Variants in SORCS1 observed in about 807,000 individuals in gnomAD.
SORCS1 encodes the protein sortilin related VPS10 domain containing receptor 1.
Under a neutral mutation model 146.1 loss-of-function variants are expected in SORCS1, and 60 were observed. The ratio of observed to expected loss-of-function variants is 0.41; its 90% confidence interval spans 0.33 to 0.51. The LOEUF (loss-of-function observed/expected upper bound fraction) is 0.51. Ranked by LOEUF, SORCS1 falls within the 20% of genes least tolerant of loss-of-function variation. The pLI is 0.21. For synonymous variants in SORCS1, 637 were observed against 584.0 expected (o/e 1.09, Z -1.31); for missense variants, 1,352 against 1,487.6 (o/e 0.91, Z 1.50).
At chr10:107,114,876 G>A (rs1368894974) in intron 1 of SORCS1, among the ~76,000 whole-genome samples, 2 of 151,988 alleles carry the variant, frequency 1.3e-5, no homozygotes, top group Non-Finnish European at 2.9e-5. Context: ...CCAAAAACCT[G>A]TCAGAACTAA....
chr10:106,893,802 C>T (rs1335176697), intron 2 of SORCS1, among the ~76,000 whole-genome samples: 1 of 152,150 alleles, frequency 6.6e-6, no homozygotes, highest in Non-Finnish European at 1.5e-5. Flanking sequence ...ACTTCATAGC[C>T]TTCAAAAATG....
intron 1 of SORCS1, among the ~76,000 whole-genome samples, chr10:107,080,052 A>G (rs981271333): frequency 1.3e-5 from 2 of 152,226 alleles, no homozygotes; most frequent in Admixed American, 1.3e-4. Flanking sequence ...AATATATTAC[A>G]AACACTCTGG....
intron 1 of SORCS1, among the ~76,000 whole-genome samples, chr10:107,026,917 A>G (rs533800614): frequency 1.6e-4 from 24 of 151,940 alleles, no homozygotes; most frequent in Middle Eastern, 3.4e-3. Context: ...ATATGAGAGC[A>G]TTGCTTAAAG....
At chr10:106,605,628 T>C (rs942687223) in intron 23 of SORCS1, among the ~76,000 whole-genome samples, 2 of 152,172 alleles carry the variant, frequency 1.3e-5, no homozygotes, top group Non-Finnish European at 2.9e-5. Context: ...CCCACCAAAA[T>C]GCAGTGCAGA....
At chr10:106,725,878 C>A (rs1243879153) in intron 6 of SORCS1, among the ~76,000 whole-genome samples, 1 of 148,724 alleles carries the variant, frequency 6.7e-6, no homozygotes, top group Non-Finnish European at 1.5e-5. Flanking sequence ...TTGCAGTGAG[C>A]CGAGATGGTG....
chr10:107,114,587 T>C (rs1965901326), intron 1 of SORCS1, among the ~76,000 whole-genome samples: 1 of 152,126 alleles, frequency 6.6e-6, no homozygotes. Context: ...ACAAATTAGA[T>C]GTAGAAGGAA....
chr10:106,798,010 C>G (rs918218379), intron 3 of SORCS1, among the ~76,000 whole-genome samples: 1 of 152,112 alleles, frequency 6.6e-6, no homozygotes, highest in Non-Finnish European at 1.5e-5. Flanking sequence ...GGCTGTGTCC[C>G]CACCCAAATC....
In SORCS1 at chr10:106,847,919, T is replaced by C. The variant is rs929088928; in HGVS notation, c.627-18246A>G. Among the ~76,000 whole-genome samples the C allele has an allele frequency of 2.0e-5, 3 of 151,070 alleles. 1 individual carries two copies. Among genetic ancestry groups the C allele is most frequent in the African/African-American group, 7.4e-5 (3 of 40,588 alleles). ...TTTCAGTGAGATTCTTAATCCTGAATTCTAGTTTGCTTGCACTGTGGTCTG... is the reference window on the plus strand; with the variant it reads ...TTTCAGTGAGATTCTTAATCCTGAACTCTAGTTTGCTTGCACTGTGGTCTG... On this transcript the variant is annotated intron_variant, in intron 2 of 25. Coordinates refer to ENST00000263054, the MANE Select transcript of SORCS1 (RefSeq NM_052918.5).
intron 14 of SORCS1, among the ~76,000 whole-genome samples, chr10:106,674,358 G>A (rs1221473899): frequency 9.9e-3 from 282 of 28,456 alleles, no homozygotes; most frequent in Non-Finnish European, 0.016. Context: ...AAAAAAAAAA[G>A]TAGTAGTGGT....
intron 17 of SORCS1, among the ~76,000 whole-genome samples, chr10:106,656,617 T>A (rs1850313540): frequency 6.6e-6 from 1 of 151,876 alleles, no homozygotes; most frequent in African/African-American, 2.4e-5. Context: ...GAAGGAAGCA[T>A]TAAAAGTCTT....
At chr10:106,699,981 A>G (rs1854013582) in intron 8 of SORCS1, among the ~76,000 whole-genome samples, 2 of 152,212 alleles carry the variant, frequency 1.3e-5, no homozygotes, top group South Asian at 2.1e-4. Context: ...AGCAACCCCT[A>G]GCCAGTCTCC....
chr10:106,667,074 C>T (rs923558455), intron 17 of SORCS1: 1 of 152,194 alleles, frequency 6.6e-6, no homozygotes, highest in African/African-American at 2.4e-5. Context: ...ACATTTGAGA[C>T]AAATTTATGA....
At chr10:106,839,845 G>C (rs1023302836) in intron 2 of SORCS1, among the ~76,000 whole-genome samples, 3 of 152,128 alleles carry the variant, frequency 2.0e-5, no homozygotes, top group Non-Finnish European at 4.4e-5. Context: ...TATTCTCCTT[G>C]TGCTCTATAC....
rs993896428 is a variant in SORCS1 at position 106,673,913 on chromosome 10, G to A, written c.1941-928C>T. On this transcript the variant is annotated intron_variant, in intron 14 of 25. Transcript: ENST00000263054. ...AATCTGTTTTGAAAATATAAAAATTGAAGAAAGACAAATTATGGAATGCAT... is the reference window on the plus strand; with the variant it reads ...AATCTGTTTTGAAAATATAAAAATTAAAGAAAGACAAATTATGGAATGCAT... 2.0e-5 allele frequency among the ~76,000 whole-genome samples: 3 copies of A among 152,198 alleles called. 1 individual carries two copies. In the South Asian group the frequency reaches 6.2e-4, roughly 32 times the overall value.
intron 8 of SORCS1, 78 bp downstream of exon 8, chr10:106,706,467 G>T: frequency 7.2e-7 from 1 of 1,381,268 alleles, no homozygotes; most frequent in Non-Finnish European, 1.0e-6. Flanking sequence ...GGCTGAAAGA[G>T]TCCTTGGGAA....
chr10:107,051,869 A>G (rs753753536), intron 1 of SORCS1, among the ~76,000 whole-genome samples: 1 of 152,152 alleles, frequency 6.6e-6, no homozygotes, highest in Non-Finnish European at 1.5e-5. Context: ...CCTTGCCAAT[A>G]TCCTCTTCCT....
chr10:106,815,386 A>G (rs567920724), intron 3 of SORCS1, among the ~76,000 whole-genome samples: 21 of 152,260 alleles, frequency 1.4e-4, no homozygotes, highest in Non-Finnish European at 2.5e-4. Flanking sequence ...CAATTTCAAC[A>G]AGGCCCTCTC....
At chr10:107,006,765 C>T (rs543649069) in intron 1 of SORCS1, among the ~76,000 whole-genome samples, 5 of 152,212 alleles carry the variant, frequency 3.3e-5, no homozygotes, top group South Asian at 4.2e-4. Flanking sequence ...TGCAGTGAGC[C>T]GAGATTGTGC....
intron 14 of SORCS1, among the ~76,000 whole-genome samples, chr10:106,674,579 A>G (rs1851885289): frequency 6.6e-6 from 1 of 152,126 alleles, no homozygotes; most frequent in Admixed American, 6.5e-5. Flanking sequence ...TGATCATCAC[A>G]TTCCAGACAA....
Sources: gnomAD v4.1 joint callset for allele counts (sites outside exome capture counted in the v4.1 genomes callset) on GRCh38, gnomAD v4.1.1 for gene constraint, MANE v1.5 for transcripts, NCBI Gene and HGNC (gene_info 2026-07-23, HGNC 2026-07-21) for gene names.